Variants in LPP observed in about 807,000 individuals in gnomAD.
LPP encodes the protein LIM domain containing preferred translocation partner in lipoma.
LPP carries 38 observed loss-of-function variants against 60.4 expected under a neutral mutation model. That is an observed-to-expected ratio of 0.63 (90% CI 0.49 to 0.83). LPP has a LOEUF of 0.83. LPP is among the 40% of genes least tolerant of loss of function. The pLI is 0.00. For synonymous variants in LPP, 328 were observed against 290.8 expected, an observed-to-expected ratio of 1.13 and a Z score of -1.30; for missense variants, 902 against 783.6, an observed-to-expected ratio of 1.15 and a Z score of -1.80.
intron 11 of LPP, among the ~76,000 whole-genome samples, chr3:188,873,011 G>GT (rs1240836178): frequency 3.3e-5 from 5 of 152,190 alleles, no homozygotes; most frequent in Admixed American, 2.6e-4. Flanking sequence ...AAATATGGCT[G>GT]TGAGAGTGAA....
intron 2 of LPP, among the ~76,000 whole-genome samples, chr3:188,290,373 A>AAAC (rs1489428392): frequency 1.3e-5 from 2 of 152,178 alleles, no homozygotes; most frequent in African/African-American, 4.8e-5. Flanking sequence ...GACCTTGGAC[A>AAAC]AACAACTTCA....
At chr3:188,617,929 C>A (rs146981406) in intron 7 of LPP, among the ~76,000 whole-genome samples, 364 of 152,216 alleles carry the variant, frequency 2.4e-3, no homozygotes, top group African/African-American at 8.3e-3. Flanking sequence ...TCATTTCTTT[C>A]TTGGCCAGCT....
At chr3:188,512,488 G>T (rs1044800996) in intron 5 of LPP, among the ~76,000 whole-genome samples, 16 of 91,704 alleles carry the variant, frequency 1.7e-4, no homozygotes, top group African/African-American at 4.6e-4. Flanking sequence ...GGAGACGGAG[G>T]TTTCAATGAG....
intron 5 of LPP, among the ~76,000 whole-genome samples, chr3:188,522,341 G>A (rs916529293): frequency 3.3e-5 from 5 of 152,156 alleles, no homozygotes; most frequent in Admixed American, 6.5e-5. Context: ...CAGTGTGAGC[G>A]TGTGTGTGCA....
chr3:188,636,290 G>T (rs1390621305), intron 7 of LPP, among the ~76,000 whole-genome samples: 1 of 152,194 alleles, frequency 6.6e-6, no homozygotes, highest in Admixed American at 6.5e-5. Flanking sequence ...AAAGAAAGGG[G>T]TGACAGACGG....
intron 2 of LPP, among the ~76,000 whole-genome samples, chr3:188,252,834 C>T (rs543144607): frequency 4.7e-4 from 72 of 152,250 alleles, no homozygotes; most frequent in Non-Finnish European, 7.1e-4. Context: ...TGCAGTGGCA[C>T]GATCTCAACT....
intron 4 of LPP, among the ~76,000 whole-genome samples, chr3:188,407,206 C>A (rs1392614369): frequency 1.4e-5 from 1 of 69,472 alleles, no homozygotes; most frequent in Non-Finnish European, 4.9e-5. Flanking sequence ...AATATCTTAC[C>A]CTCTTCATGA....
At chr3:188,731,336 G>A (rs1720400748) in intron 8 of LPP, among the ~76,000 whole-genome samples, 1 of 152,016 alleles carries the variant, frequency 6.6e-6, no homozygotes, top group African/African-American at 2.4e-5. Flanking sequence ...TTCCACTGTG[G>A]GAAAGATCAT....
intron 1 of LPP, among the ~76,000 whole-genome samples, chr3:188,174,901 G>A (rs1028539285): frequency 2.6e-5 from 4 of 152,014 alleles, no homozygotes; most frequent in African/African-American, 7.3e-5. Context: ...CTGCTTGCAT[G>A]GCACTGATCA....
intron 9 of LPP, among the ~76,000 whole-genome samples, chr3:188,855,164 G>A (rs772575025): frequency 5.3e-5 from 8 of 152,144 alleles, no homozygotes; most frequent in Non-Finnish European, 1.0e-4. Flanking sequence ...TATTCCTGGA[G>A]AAATATGTAG....
At chr3:188,475,625 G>C (rs115963232) in intron 4 of LPP, among the ~76,000 whole-genome samples, 1 of 152,140 alleles carries the variant, frequency 6.6e-6, no homozygotes, top group Non-Finnish European at 1.5e-5. Flanking sequence ...AAAGCAGGCC[G>C]GGCGTGGTGG....
At chr3:188,557,333 G>A (rs1035001726) in intron 6 of LPP, among the ~76,000 whole-genome samples, 7 of 152,146 alleles carry the variant, frequency 4.6e-5, no homozygotes, top group East Asian at 1.9e-4. Context: ...CTTGAAAAGC[G>A]GTTTTGCAAA....
chr3:188,283,795 C>T (rs1441949835), intron 2 of LPP, among the ~76,000 whole-genome samples: 1 of 151,908 alleles, frequency 6.6e-6, no homozygotes, highest in African/African-American at 2.4e-5. Context: ...CTGACCAACA[C>T]GGTGAAAGCC....
chr3:188,791,611 GCAC>G (rs1217295737), intron 9 of LPP, among the ~76,000 whole-genome samples: 1 of 151,012 alleles, frequency 6.6e-6, no homozygotes, highest in East Asian at 1.9e-4. Context: ...GTTCTCCATT[GCAC>G]CATGATTAGT....
chr3:188,363,032 ATTTAT>A (rs926155169), intron 3 of LPP, among the ~76,000 whole-genome samples: 8 of 44,638 alleles, frequency 1.8e-4, no homozygotes, highest in African/African-American at 4.0e-4. Context: ...TATTTATTTT[ATTTAT>A]TTTTTTTTTT....
At chr3:188,185,900 C>T (rs185008042) in intron 1 of LPP, among the ~76,000 whole-genome samples, 23 of 152,304 alleles carry the variant, frequency 1.5e-4, no homozygotes, top group African/African-American at 5.3e-4. Flanking sequence ...TGGCACATAG[C>T]GGGTGCCCAT....
intron 2 of LPP, among the ~76,000 whole-genome samples, chr3:188,304,898 C>T (rs1317828448): frequency 6.6e-6 from 1 of 151,890 alleles, no homozygotes; most frequent in Admixed American, 6.6e-5. Flanking sequence ...TCAGTTGCTT[C>T]AAAAAAGAAA....
At chr3:188,260,434 C>T (rs1229174112) in intron 2 of LPP, among the ~76,000 whole-genome samples, 1 of 151,836 alleles carries the variant, frequency 6.6e-6, no homozygotes, top group Non-Finnish European at 1.5e-5. Context: ...AGGAATTTGC[C>T]TCTGTTTTTT....
intron 7 of LPP, among the ~76,000 whole-genome samples, chr3:188,630,230 G>T (rs1271612299): frequency 1.3e-5 from 2 of 152,082 alleles, no homozygotes; most frequent in African/African-American, 4.8e-5. Flanking sequence ...GCATCTGACA[G>T]AAGTCTGATA....
Sources: allele counts gnomAD v4.1 joint callset (sites outside exome capture counted in the v4.1 genomes callset), GRCh38; gene constraint gnomAD v4.1.1; transcripts MANE v1.5; gene names NCBI Gene and HGNC (gene_info 2026-07-23, HGNC 2026-07-21).